The following MAP7D2 variants were observed in gnomAD, a reference collection of about 807,000 sequenced individuals.
MAP7D2 encodes the protein MAP7 domain containing 2.
Under a neutral mutation model 63.5 loss-of-function variants are expected in MAP7D2, and 33 were observed. The observed-to-expected ratio is 0.52, with a 90% CI of 0.39 to 0.70. The LOEUF is 0.70. Ranked by LOEUF, MAP7D2 falls within the 30% of genes least tolerant of loss-of-function variation. The probability of loss-of-function intolerance (pLI) is 0.00; values close to 1 mark genes in which losing one functional copy is unlikely to be tolerated. For missense variants in MAP7D2, 626 were observed against 604.0 expected (o/e 1.04, Z -0.38); for synonymous variants, 224 against 223.7 (o/e 1.00, Z -0.01).
At chrX:20,104,117 T>C (rs1271660265) in intron 1 of MAP7D2, among the ~76,000 whole-genome samples, 1 of 111,337 alleles carries the variant, frequency 9.0e-6, no homozygotes, top group Non-Finnish European at 1.9e-5. Context: ...CCCAGAAGAT[T>C]AGGGATATGT....
chrX:20,028,456 G>A (rs1201306503), intron 8 of MAP7D2, among the ~76,000 whole-genome samples: 1 of 112,462 alleles, frequency 8.9e-6, no homozygotes, highest in East Asian at 2.8e-4. Context: ...TGTAATAACA[G>A]GGGAGCCCAT....
chrX:20,085,023 A>G (rs889794403), intron 1 of MAP7D2, among the ~76,000 whole-genome samples: 3 of 111,910 alleles, frequency 2.7e-5, no homozygotes, highest in Non-Finnish European at 5.6e-5. Context: ...CTGCCTCACA[A>G]TCTGGAGTGG....
chrX:20,097,751 G>A (rs777775092), intron 1 of MAP7D2, among the ~76,000 whole-genome samples: 1 of 111,479 alleles, frequency 9.0e-6, no homozygotes, highest in East Asian at 2.8e-4. Context: ...TTCCAGGTGG[G>A]AAGTGCTGTC....
At chrX:20,089,956 AC>A (rs2066021984) in intron 1 of MAP7D2, among the ~76,000 whole-genome samples, 1 of 110,276 alleles carries the variant, frequency 9.1e-6, no homozygotes, top group Admixed American at 9.7e-5. Flanking sequence ...CCTTGCAGCT[AC>A]CCCCATAATC....
intron 16 of MAP7D2, 98 bp from the exon 17 acceptor site, chrX:20,008,496 A>G (rs1603345204): frequency 1.8e-5 from 2 of 112,446 alleles, no homozygotes; most frequent in Admixed American, 1.9e-4. Context: ...ATCACAACAC[A>G]CTGTGGCACT....
At chrX:20,044,065 G>A (rs992689096) in intron 7 of MAP7D2, among the ~76,000 whole-genome samples, 18 of 112,215 alleles carry the variant, frequency 1.6e-4, no homozygotes, top group Non-Finnish European at 2.8e-4. Flanking sequence ...TCAGATATCC[G>A]TAACGAGGAA....
At chrX:20,061,056 T>C (rs1201342375) in intron 3 of MAP7D2, among the ~76,000 whole-genome samples, 2 of 97,759 alleles carry the variant, frequency 2.0e-5, no homozygotes, top group Non-Finnish European at 4.0e-5. Context: ...TAAAATGGCC[T>C]GCATAGGATG....
chrX:20,097,152 G>A (rs1025503551), intron 1 of MAP7D2, among the ~76,000 whole-genome samples: 1 of 112,193 alleles, frequency 8.9e-6, no homozygotes, highest in Non-Finnish European at 1.9e-5. Context: ...CACTTGAAAT[G>A]TGGCTTAGTG....
intron 1 of MAP7D2, among the ~76,000 whole-genome samples, chrX:20,095,085 A>T (rs1222688685): frequency 2.7e-5 from 3 of 110,303 alleles, no homozygotes; most frequent in Admixed American, 9.8e-5. Context: ...AAAAAAAAAA[A>T]TCAGTGACTA....
chrX:20,043,765 T>A (rs763183779), intron 7 of MAP7D2, among the ~76,000 whole-genome samples: 3 of 112,529 alleles, frequency 2.7e-5, no homozygotes, highest in Non-Finnish European at 5.6e-5. Flanking sequence ...TGGCACTGTG[T>A]AATTTCTAAA....
chrX:20,017,545 G>T (rs1159736013), intron 10 of MAP7D2, among the ~76,000 whole-genome samples: 4 of 112,405 alleles, frequency 3.6e-5, no homozygotes, highest in Non-Finnish European at 7.5e-5. Flanking sequence ...TTCATTCAAA[G>T]AAATATTTTA....
At chrX:20,114,883 A>C (rs754112479) in intron 1 of MAP7D2, among the ~76,000 whole-genome samples, 6 of 112,314 alleles carry the variant, frequency 5.3e-5, no homozygotes, top group African/African-American at 1.9e-4. Flanking sequence ...AAGAATGATC[A>C]GTATCCAGGA....
chrX:20,114,505 G>A lies in MAP7D2; in HGVS notation c.130+2245C>T, dbSNP rs185140972. On this transcript the variant is annotated intron_variant, in intron 1 of 16. Transcript: ENST00000379643. ...TTGTTATACTATGTGTATCAGACAAGCACTAAAATGGACAGTAGATCTGGT... is the reference window on the plus strand; with the variant it reads ...TTGTTATACTATGTGTATCAGACAAACACTAAAATGGACAGTAGATCTGGT... Among the ~76,000 whole-genome samples, 451 of 112,907 alleles carry A rather than the reference G, an allele frequency of 4.0e-3. 3 individuals are homozygous for A. Among genetic ancestry groups the A allele is most frequent in the African/African-American group, 0.013 (419 of 31,129 alleles).
chrX:20,088,736 T>C (rs2065988597), intron 1 of MAP7D2, among the ~76,000 whole-genome samples: 1 of 110,740 alleles, frequency 9.0e-6, no homozygotes. Context: ...TTTTTGATGG[T>C]TTGATTTATC....
chrX:20,080,829 G>A, intron 1 of MAP7D2, among the ~76,000 whole-genome samples: 1 of 112,006 alleles, frequency 8.9e-6, no homozygotes, highest in Non-Finnish European at 1.9e-5. Flanking sequence ...AGTACACTAT[G>A]CGCTACACAA....
At chrX:20,044,294 A>G in intron 7 of MAP7D2, 70 bp downstream of exon 7, 1 of 1,063,668 alleles carries the variant, frequency 9.4e-7, no homozygotes, top group Non-Finnish European at 1.3e-6. Flanking sequence ...CAGGTCAAGC[A>G]CAGAAGTAAT....
At chrX:20,099,767 T>C (rs1242466983) in intron 1 of MAP7D2, among the ~76,000 whole-genome samples, 1 of 111,878 alleles carries the variant, frequency 8.9e-6, no homozygotes, top group Non-Finnish European at 1.9e-5. Context: ...CTGCAAAGGG[T>C]CCAAGATCAG....
chrX:20,065,921 T>TG (rs2148389749), intron 1 of MAP7D2, among the ~76,000 whole-genome samples: 1 of 107,405 alleles, frequency 9.3e-6, no homozygotes, highest in East Asian at 2.9e-4. Flanking sequence ...ACCATTCTTT[T>TG]TTTTTTTTTT....
intron 1 of MAP7D2, among the ~76,000 whole-genome samples, chrX:20,072,405 C>A: frequency 9.0e-6 from 1 of 111,665 alleles, no homozygotes; most frequent in Non-Finnish European, 1.9e-5. Context: ...CCCTCTCTCG[C>A]CAACCCTCCC....
Sources: allele counts gnomAD v4.1 joint callset (sites outside exome capture counted in the v4.1 genomes callset), GRCh38; gene constraint gnomAD v4.1.1; transcripts MANE v1.5; gene names NCBI Gene and HGNC (gene_info 2026-07-23, HGNC 2026-07-21).